SRMS: variants seen among roughly 807,000 people sequenced by gnomAD.
SRMS encodes tyrosine-protein kinase Srms.
SRMS carries 42 observed loss-of-function variants against 43.5 expected under a neutral mutation model. That is an observed-to-expected ratio of 0.97 (90% CI 0.75 to 1.25). The LOEUF is 1.25. SRMS is among the 50% of genes most tolerant of loss of function. SRMS has a pLI of 0.00. For synonymous variants in SRMS, 316 were observed against 308.2 expected, an observed-to-expected ratio of 1.03 and a Z score of -0.27; for missense variants, 703 against 681.0, an observed-to-expected ratio of 1.03 and a Z score of -0.36.
In SRMS at chr20:63,541,203, A is replaced by G. The variant is rs759473420; in HGVS notation, c.1273T>C (p.Cys425Arg). 4 of 1,558,660 alleles carry G rather than the reference A, an allele frequency of 2.6e-6. No individual in the cohort carries two copies. Among genetic ancestry groups the G allele is most frequent in the Non-Finnish European group, 1.7e-6 (2 of 1,157,568 alleles). Residue 425 changes from cysteine to arginine, a missense_variant, in exon 7 of 8, where the codon TGT (cysteine) becomes CGT (arginine). Coordinates refer to ENST00000217188, the MANE Select transcript of SRMS (RefSeq NM_080823.4). Reference protein sequence around the residue: ...LLHEVFTYGQCPYEGMTNHET... With the variant: ...LLHEVFTYGQRPYEGMTNHET... ...CCTGGGGACCCACCTTCATAGGGAC[A>G]CTGGCCATAGGTGAAAACCTCGTGC...
In SRMS at chr20:63,540,752, G is replaced by A. The variant is rs1042462715; in HGVS notation, c.*66C>T. 2 of 1,513,190 alleles carry A rather than the reference G, an allele frequency of 1.3e-6. No individual in the cohort carries two copies. Among genetic ancestry groups the A allele is most frequent in the African/African-American group, 2.8e-5 (2 of 71,562 alleles). 93.7% of individuals were successfully genotyped at this position (1,513,190 alleles called of 1,614,324 possible). On this transcript the variant is annotated 3_prime_UTR_variant, in exon 8 of 8. Coordinates refer to ENST00000217188, the MANE Select transcript of SRMS (RefSeq NM_080823.4). ...GTCCGGCAGACCGGCATCCCTTCGAGTTGGCGCTCTGCAGGGAGGAGGGGC... is the reference window on the plus strand; with the variant it reads ...GTCCGGCAGACCGGCATCCCTTCGAATTGGCGCTCTGCAGGGAGGAGGGGC...
At chr20:63,541,655 GGGCCAACGGCCGGTGAGGCCA>G in intron 5 of SRMS, 35 bp from the exon 6 acceptor site, 1 of 1,471,660 alleles carries the variant, frequency 6.8e-7, no homozygotes, top group Admixed American at 2.4e-5. Flanking sequence ...TTAGGGCACG[GGGCCAACGGCCGGTGAGGCCA>G]GCGTCCACCC....
rs373802264 is a variant in SRMS at position 63,539,661 on chromosome 20, C to T, written c.*1157G>A. Among the ~76,000 whole-genome samples, 41 of 152,300 alleles carry T rather than the reference C, an allele frequency of 2.7e-4. No homozygotes were observed. Among genetic ancestry groups the T allele is most frequent in the South Asian group, 1.2e-3 (6 of 4,826 alleles). ...TGAGCAGAAGCTTCCCTGAGCCAGA[C>T]GTGGGGAGACGAGGGCGGACCCTGC... On this transcript the variant is annotated 3_prime_UTR_variant, in exon 8 of 8. Coordinates refer to ENST00000217188, the MANE Select transcript of SRMS (RefSeq NM_080823.4).
chr20:63,542,268 G>A lies in SRMS; in HGVS notation c.841C>T (p.Arg281Trp), dbSNP rs375350107. The change falls in exon 5 of 8, where the codon CGG becomes TGG. Residue 281 changes from arginine (R) to tryptophan (W), a missense_variant. Transcript: ENST00000217188. ...AKEIQTLKGL[R>W]HERLIRLHAV... Reference sequence around the variant, plus strand: ...TGCAGCCGGATGAGCCGCTCGTGCCGCAGGCCCTTCAGTGTCTGGATCTCC... The same window carrying A: ...TGCAGCCGGATGAGCCGCTCGTGCCACAGGCCCTTCAGTGTCTGGATCTCC... 4.4e-5 allele frequency: 71 copies of A among 1,612,376 alleles called. No individual in the cohort carries two copies. Among genetic ancestry groups the A allele is most frequent in the South Asian group, 2.1e-4 (19 of 91,072 alleles).
chr20:63,545,568 AC>A (rs1444430913), intron 1 of SRMS, among the ~76,000 whole-genome samples: 7 of 152,208 alleles, frequency 4.6e-5, no homozygotes, highest in Non-Finnish European at 1.0e-4. Context: ...AAGACGGAGG[AC>A]ACAGTCTGGC....
At chr20:63,544,162 C>G in intron 2 of SRMS, 65 bp downstream of exon 2, 2 of 1,368,506 alleles carry the variant, frequency 1.5e-6, no homozygotes, top group Non-Finnish European at 1.9e-6. Flanking sequence ...TAGAGACCAA[C>G]CACCCCAAGG....
rs61746091 is a variant in SRMS, at chr20:63,547,408, A to G, written c.56T>C (p.Ile19Thr). 4.4e-4 allele frequency: 677 copies of G among 1,553,438 alleles called. 17 individuals carry two copies. In the African/African-American group the frequency reaches 7.8e-3, roughly 18 times the overall value. The change falls in exon 1 of 8, where the codon ATC (isoleucine) becomes ACC (threonine). Residue 19 changes from isoleucine to threonine, a missense_variant. Coordinates refer to ENST00000217188, the MANE Select transcript of SRMS (RefSeq NM_080823.4). ...GTCCGGCTCGCCGCCCGCCGGCCAGATCTTGTCCCAGAAGAAGGACAGGAA... is the reference window on the plus strand; with the variant it reads ...GTCCGGCTCGCCGCCCGCCGGCCAGGTCTTGTCCCAGAAGAAGGACAGGAA... ...LAFLSFFWDKIWPAGGEPDHG... is the reference protein window; with the variant it reads ...LAFLSFFWDKTWPAGGEPDHG...
In SRMS at chr20:63,540,867, A is replaced by G; in HGVS notation, c.1418T>C (p.Phe473Ser). The G allele has an allele frequency of 6.2e-7, 1 of 1,605,800 alleles. No homozygotes were observed. Among genetic ancestry groups the G allele is most frequent in the Non-Finnish European group, 8.5e-7 (1 of 1,179,168 alleles). The stretch of plus-strand genomic sequence containing the variant: ...GTGCAGCTTCTCCCGCAGCGTGGCG[A>G]AGGAGGGCCGTTCCTCGGGGCTGCT... ...WRSSPEERPS[F>S]ATLREKLHAI... is the part of the protein sequence containing the mutation. Residue 473 changes from phenylalanine (F) to serine (S), a missense_variant, in exon 8 of 8, where the codon TTC becomes TCC. Coordinates refer to ENST00000217188, the MANE Select transcript of SRMS (RefSeq NM_080823.4).
rs137951199 is a variant in SRMS at position 63,542,460 on chromosome 20, G to A, written c.767C>T (p.Ala256Val). ...EGLWLGSLPVAIKVIKSANMK... is the reference protein window; with the variant it reads ...EGLWLGSLPVVIKVIKSANMK... ...CTCACCTGACTTGATGACCTTGATCGCCACGGGCAGGGAGCCCAGCCACAG... is the reference window on the plus strand; with the variant it reads ...CTCACCTGACTTGATGACCTTGATCACCACGGGCAGGGAGCCCAGCCACAG... The change falls in exon 4 of 8, where the codon GCG (alanine) becomes GTG (valine). Residue 256 changes from alanine to valine, a missense_variant. Transcript: ENST00000217188. The A allele has an allele frequency of 1.9e-5, 30 of 1,612,018 alleles. No homozygotes were observed. The highest frequency in any genetic ancestry group is 5.0e-5 in the Admixed American group (3 of 59,952).
At position 63,541,267 on chromosome 20, in the gene SRMS, GA is replaced by G. The variant is rs2082702069; in HGVS notation, c.1208del (p.Phe403SerfsTer28). 1 of 1,569,292 alleles carries G rather than the reference GA, an allele frequency of 6.4e-7. No individual in the cohort carries two copies. The highest frequency in any genetic ancestry group is 2.0e-5 in the Admixed American group (1 of 49,454). ...AGGACCAGACGTCTGACTTCTGGGA[GA>G]AGACACGATAATTGGCCGCCTCAGG... is the stretch of plus-strand genomic sequence containing the variant. ...TAPEAANYRVFSQKSDVWSFG... is the reference protein window; with the variant it reads ...TAPEAANYRVXSQKSDVWSFG... On this transcript the variant is annotated frameshift_variant, in exon 7 of 8. Coordinates refer to ENST00000217188, the MANE Select transcript of SRMS (RefSeq NM_080823.4). LOFTEE classifies it high-confidence loss of function.
In SRMS at chr20:63,547,660, G is replaced by A. The variant is rs778070350; in HGVS notation, c.-197C>T. Among the ~76,000 whole-genome samples the A allele has an allele frequency of 7.2e-5, 11 of 152,344 alleles. No homozygotes were observed. Among genetic ancestry groups the A allele is most frequent in the Middle Eastern group, 3.4e-3 (1 of 294 alleles). ...GGTTCCCACCGGCGTCCGGGCTGGCGTTGGGGCTGGGTGGGGCGCAGGGCG... is the reference window on the plus strand; with the variant it reads ...GGTTCCCACCGGCGTCCGGGCTGGCATTGGGGCTGGGTGGGGCGCAGGGCG... On this transcript the variant is annotated 5_prime_UTR_variant, in exon 1 of 8. The change creates a new upstream start codon in the 5' untranslated region. Transcript: ENST00000217188.
At chr20:63,542,052 G>C in intron 5 of SRMS, 111 bp downstream of exon 5, 1 of 1,458,604 alleles carries the variant, frequency 6.9e-7, no homozygotes, top group South Asian at 1.4e-5. Flanking sequence ...ACCTGCTCCC[G>C]GTAGAGAGGC....
In SRMS at chr20:63,542,356, C is replaced by T. The variant is rs367932915; in HGVS notation, c.788-35G>A. On this transcript the variant is annotated intron_variant, in intron 4 of 7. Coordinates refer to ENST00000217188, the MANE Select transcript of SRMS (RefSeq NM_080823.4). Reference sequence around the variant, plus strand: ...AGGGTGTGGCTCCAGGACCGGCCCACGCCACGAACATCACTGCCCTGGGGC... The same window carrying T: ...AGGGTGTGGCTCCAGGACCGGCCCATGCCACGAACATCACTGCCCTGGGGC... 4.5e-5 allele frequency: 72 copies of T among 1,597,968 alleles called. 1 individual carries two copies. The Middle Eastern group carries it at 5.0e-4, about 11-fold the overall frequency.
At chr20:63,541,699 C>T in intron 5 of SRMS, 79 bp from the exon 6 acceptor site, 1 of 1,411,934 alleles carries the variant, frequency 7.1e-7, no homozygotes, top group Non-Finnish European at 9.3e-7. Flanking sequence ...GTCACCTTCC[C>T]CCATGCCTCA....
Position 63,544,215 on chromosome 20 carries a change from C to A in SRMS, c.478+12G>T. The A allele has an allele frequency of 7.0e-7, 1 of 1,436,564 alleles. No individual in the cohort carries two copies. The highest frequency in any genetic ancestry group is 1.5e-5 in the African/African-American group (1 of 67,226). The allele number at this position is 1,436,564 out of a possible 1,614,324, so 89.0% of individuals were successfully genotyped here. On this transcript the variant is annotated intron_variant, in intron 2 of 7. Transcript: ENST00000217188. ...GGTGGGGGACAGAGGCAGGAGGGGC[C>A]GCCCCAGGTACCTGACAGTGAGTAG...
intron 7 of SRMS, 87 bp downstream of exon 7, chr20:63,541,104 C>A: frequency 6.4e-7 from 1 of 1,568,878 alleles, no homozygotes; most frequent in South Asian, 1.1e-5. Flanking sequence ...GCCAGACCCT[C>A]CAACCCCTTG....
At position 63,541,601 on chromosome 20, in the gene SRMS, C is replaced by A; in HGVS notation, c.966G>T (p.Leu322=). The A allele has an allele frequency of 1.3e-6, 2 of 1,557,264 alleles. No individual in the cohort carries two copies. The highest frequency in any genetic ancestry group is 2.4e-5 in the East Asian group (1 of 42,348). ...CAAAGCCCAGGAGTGGCGGCAGACG[C>A]AGGGCCCGGCCCTCGGGGGCTGCAG... The part of the protein sequence containing the change: ...AFLGTPEGRA[L]RLPPLLGFAC... Residue 322 remains leucine (L), a synonymous_variant, in exon 6 of 8, where the codon CTG becomes CTT. Transcript: ENST00000217188.
chr20:63,541,546 G>A lies in SRMS; in HGVS notation c.1021C>T (p.Leu341=). 1 of 1,590,710 alleles carries A rather than the reference G, an allele frequency of 6.3e-7. No homozygotes were observed. Among genetic ancestry groups the A allele is most frequent in the Non-Finnish European group, 8.5e-7 (1 of 1,170,778 alleles). Residue 341 remains leucine (L), a synonymous_variant, in exon 6 of 8, where the codon CTG becomes TTG. Transcript: ENST00000217188. Reference sequence around the variant, plus strand: ...CGGTGCACAACGCGCTGCTCCTCCAGGTAGCTCATGCCCTCAGCCACCTGG... The same window carrying A: ...CGGTGCACAACGCGCTGCTCCTCCAAGTAGCTCATGCCCTCAGCCACCTGG... ...ACQVAEGMSY[L]EEQRVVHRDL...
At chr20:63,541,415 C>G (rs745480621) in intron 6 of SRMS, 24 bp downstream of exon 6, 20 of 1,578,350 alleles carry the variant, frequency 1.3e-5, no homozygotes, top group Non-Finnish European at 1.7e-5. Context: ...CCCTCTGGGT[C>G]AGGGGCCCAG....
Sources: allele counts gnomAD v4.1 joint callset (sites outside exome capture counted in the v4.1 genomes callset), GRCh38; gene constraint gnomAD v4.1.1; transcripts MANE v1.5; gene names NCBI Gene and HGNC (gene_info 2026-07-23, HGNC 2026-07-21).